The following NLRP13 variants were observed in gnomAD, a reference collection of about 807,000 sequenced individuals.
The protein encoded by NLRP13 is NLR family pyrin domain containing 13.
In NLRP13, 82 loss-of-function variants were observed where a neutral mutation model predicts 94.4. The ratio of observed to expected loss-of-function variants is 0.87; its 90% CI spans 0.73 to 1.04. The LOEUF (loss-of-function observed/expected upper bound fraction) is 1.04, where lower values mean the gene tolerates loss of function less well. Ranked by LOEUF, NLRP13 falls within the 50% of genes least tolerant of loss-of-function variation. NLRP13 has a pLI of 0.00. For synonymous variants in NLRP13, 553 were observed against 464.7 expected (o/e 1.19, Z -2.45); for missense variants, 1,426 against 1,230.8 (o/e 1.16, Z -2.37).
chr19:55,895,771 G>T (rs1031612482), downstream of NLRP13, among the ~76,000 whole-genome samples: 1 of 152,172 alleles, frequency 6.6e-6, no homozygotes, highest in Non-Finnish European at 1.5e-5. Flanking sequence ...GATGCCGCTC[G>T]TGGCTACACA....
chr19:55,927,929 T>C (rs1176115673), intron 1 of NLRP13, among the ~76,000 whole-genome samples: 53 of 152,202 alleles, frequency 3.5e-4, no homozygotes, highest in Non-Finnish European at 8.8e-5. Context: ...GGTCCCTGTA[T>C]ACACAGTTGT....
At chr19:55,895,930 A>C, downstream of NLRP13, 1 of 1,612,430 alleles carries the variant, frequency 6.2e-7, no homozygotes, top group Non-Finnish European at 8.5e-7. Flanking sequence ...TCCCCTGCAG[A>C]AAAGTCAGTG....
chr19:55,902,762 CAT>C (rs1217318140), intron 8 of NLRP13, among the ~76,000 whole-genome samples: 4 of 151,716 alleles, frequency 2.6e-5, no homozygotes, highest in African/African-American at 7.2e-5. Context: ...TATGTGTTAA[CAT>C]ATAAGTTTTA....
rs187828780 is a variant in NLRP13, at chr19:55,931,526, G to A, written c.319+467C>T. Among the ~76,000 whole-genome samples the A allele has an allele frequency of 7.2e-3, 1,084 of 151,474 alleles. 14 individuals are homozygous for A. The highest frequency in any genetic ancestry group is 0.025 in the African/African-American group (1,016 of 41,274). On this transcript the variant is annotated intron_variant, in intron 1 of 10. Coordinates refer to ENST00000342929, the MANE Select transcript of NLRP13 (RefSeq NM_176810.2). ...GATTGAGACCATCCTGGCTAACACAGTGAAACCCCGTCTCTACTAAAAATA... is the reference window on the plus strand; with the variant it reads ...GATTGAGACCATCCTGGCTAACACAATGAAACCCCGTCTCTACTAAAAATA...
chr19:55,910,529 G>T lies in NLRP13; in HGVS notation c.2282+34C>A, dbSNP rs199476255. On this transcript the variant is annotated intron_variant, in intron 6 of 10. Coordinates refer to ENST00000342929, the MANE Select transcript of NLRP13 (RefSeq NM_176810.2). ...AGAGAAGTTGGGAGATTCTCCTAGG[G>T]TATCTTCTTGAGCTGCTGGCGTCTC... 39 of 1,530,752 alleles carry T rather than the reference G, an allele frequency of 2.5e-5. No individual in the cohort carries two copies. The highest frequency in any genetic ancestry group is 9.6e-5 in the African/African-American group (7 of 73,220). 94.8% of individuals were successfully genotyped at this position (1,530,752 alleles called of 1,614,324 possible).
intron 1 of NLRP13, among the ~76,000 whole-genome samples, chr19:55,926,821 G>A (rs933628059): frequency 6.6e-6 from 1 of 152,120 alleles, no homozygotes; most frequent in African/African-American, 2.4e-5. Flanking sequence ...AGAATATAGA[G>A]TAATTTTAAA....
At chr19:55,929,647 A>T (rs887467438) in intron 1 of NLRP13, among the ~76,000 whole-genome samples, 1 of 152,258 alleles carries the variant, frequency 6.6e-6, no homozygotes, top group African/African-American at 2.4e-5. Flanking sequence ...TAGGGGAGGG[A>T]TAGTATTAGA....
chr19:55,894,563 G>C (rs887684468), downstream of NLRP13, among the ~76,000 whole-genome samples: 5 of 151,956 alleles, frequency 3.3e-5, no homozygotes, highest in African/African-American at 1.2e-4. Context: ...AGCCTCCTTG[G>C]GACTCAGGAT....
chr19:55,899,545 GC>G (rs1243126354), intron 9 of NLRP13, among the ~76,000 whole-genome samples: 3 of 152,136 alleles, frequency 2.0e-5, no homozygotes, highest in Non-Finnish European at 4.4e-5. Context: ...ACTTTGGGAG[GC>G]TGAGGCGGGT....
chr19:55,909,815 A>G (rs1364276208), intron 6 of NLRP13, among the ~76,000 whole-genome samples: 2 of 152,158 alleles, frequency 1.3e-5, no homozygotes, highest in African/African-American at 4.8e-5. Flanking sequence ...GGTGCCTTCT[A>G]TCTCGTTTTC....
At position 55,895,961 on chromosome 19, in the gene NLRP13, A is replaced by G. The variant is rs745776215; in HGVS notation, c.3116T>C (p.Leu1039Pro). ...CKALKKSTCR[L>P]QKLG ...CAGTGAGGTTTACCCGAGTTTCTGC[A>G]GCCTGCATGTCGACTTTTTCAAAGC... is the stretch of plus-strand genomic sequence containing the variant. The change falls in exon 11 of 11, where the codon CTG becomes CCG. Residue 1039 changes from leucine to proline, a missense_variant. Leu to Pro is a moderately conservative substitution (Grantham distance 98). Transcript: ENST00000342929. The G allele has an allele frequency of 6.2e-7, 1 of 1,613,890 alleles. No homozygotes were observed. The highest frequency in any genetic ancestry group is 8.5e-7 in the Non-Finnish European group (1 of 1,179,926).
chr19:55,912,637 A>G lies in NLRP13; in HGVS notation c.1180T>C (p.Tyr394His). 1 of 1,614,230 alleles carries G rather than the reference A, an allele frequency of 6.2e-7. No individual in the cohort carries two copies. The highest frequency in any genetic ancestry group is 1.1e-5 in the South Asian group (1 of 91,080). ...TGFTGDDLRV[Y>H]FMRHFDDSSE... ...GAGTCATCAAAGTGTCTCATGAAAT[A>G]TACCCGTAGGTCGTCCCCTGTGAAC... The change falls in exon 5 of 11, where the codon TAT (tyrosine) becomes CAT (histidine). Residue 394 changes from tyrosine to histidine, a missense_variant. By Grantham distance (83) the Tyr-to-His change is moderately conservative. Transcript: ENST00000342929.
chr19:55,893,284 AG>A (rs1338812280), downstream of NLRP13, among the ~76,000 whole-genome samples: 1 of 152,046 alleles, frequency 6.6e-6, no homozygotes, highest in Admixed American at 6.6e-5. Flanking sequence ...GCTACTCGGG[AG>A]GCTGAGGCAA....
intron 8 of NLRP13, 119 bp from the exon 9 acceptor site, chr19:55,902,324 G>C: frequency 1.3e-6 from 1 of 744,180 alleles, no homozygotes; most frequent in South Asian, 1.9e-5. Context: ...TGGACGACAA[G>C]GTCTTTCTTT....
intron 1 of NLRP13, among the ~76,000 whole-genome samples, chr19:55,930,388 TAA>T (rs986094847): frequency 3.3e-5 from 5 of 152,200 alleles, no homozygotes; most frequent in Admixed American, 3.3e-4. Flanking sequence ...AGCATTAAGA[TAA>T]ATGCCTGGTT....
intron 4 of NLRP13, among the ~76,000 whole-genome samples, chr19:55,913,683 T>C (rs1260232133): frequency 4.6e-5 from 7 of 151,314 alleles, no homozygotes; most frequent in African/African-American, 1.7e-4. Context: ...GAAGGGATCA[T>C]AGCGAGAAGC....
chr19:55,898,175 C>T lies in NLRP13; in HGVS notation c.2957+595G>A, dbSNP rs943681505. On this transcript the variant is annotated intron_variant, in intron 10 of 10. Coordinates refer to ENST00000342929, the MANE Select transcript of NLRP13 (RefSeq NM_176810.2). ...TTCTCTAAACGTGAAAAACTTCAAG[C>T]TTATCATCTAGCAGGAGAGTTTTTG... Among the ~76,000 whole-genome samples the T allele has an allele frequency of 2.5e-4, 37 of 149,728 alleles. No individual in the cohort carries two copies. In the Admixed American group the frequency reaches 2.5e-3, roughly 10 times the overall value.
chr19:55,903,594 C>CA (rs1327916034), intron 8 of NLRP13, among the ~76,000 whole-genome samples: 4 of 152,100 alleles, frequency 2.6e-5, no homozygotes, highest in Non-Finnish European at 5.9e-5. Flanking sequence ...AATGGCATCT[C>CA]AAGCTCCTAT....
At position 55,898,721 on chromosome 19, in the gene NLRP13, C is replaced by T. The variant is rs186108473; in HGVS notation, c.2957+49G>A. Reference sequence around the variant, plus strand: ...TGGGATCCGATCATATCTCCCCACCCGCAAGAGTAGAGAAGGAAGACTCTG... The same window carrying T: ...TGGGATCCGATCATATCTCCCCACCTGCAAGAGTAGAGAAGGAAGACTCTG... On this transcript the variant is annotated intron_variant, in intron 10 of 10. Transcript: ENST00000342929. The T allele has an allele frequency of 6.0e-5, 91 of 1,524,290 alleles. 1 individual carries two copies. The Middle Eastern group carries it at 1.4e-3, about 24-fold the overall frequency. 94.4% of individuals were successfully genotyped at this position (1,524,290 alleles called of 1,614,324 possible). A position where few individuals can be genotyped will look rare whatever the true frequency, so the allele number is the denominator to read the frequency against.
Sources: allele counts gnomAD v4.1 joint callset (sites outside exome capture counted in the v4.1 genomes callset), GRCh38; gene constraint gnomAD v4.1.1; transcripts MANE v1.5; gene names NCBI Gene and HGNC (gene_info 2026-07-23, HGNC 2026-07-21).